RIPOR3: variants seen among roughly 807,000 people sequenced by gnomAD.
RIPOR3 encodes the protein RIPOR family member 3, also known as family with sequence similarity 65 member C.
A neutral mutation model predicts 114.3 loss-of-function variants in RIPOR3; 95 were observed. The observed-to-expected ratio is 0.83, with a 90% CI of 0.70 to 0.99. The LOEUF (loss-of-function observed/expected upper bound fraction) is 0.99. Ranked by LOEUF, RIPOR3 falls within the 50% of genes least tolerant of loss-of-function variation. RIPOR3 has a pLI of 0.00. For missense variants in RIPOR3, 1,252 were observed against 1,266.9 expected (o/e 0.99, Z 0.18); for synonymous variants, 575 against 543.8 (o/e 1.06, Z -0.80).
intron 1 of RIPOR3, among the ~76,000 whole-genome samples, chr20:50,638,723 G>A (rs112675563): frequency 0.044 from 6,739 of 152,092 alleles, 193 homozygotes; most frequent in African/African-American, 0.072. Context: ...GGAGGGAGCG[G>A]GGGAAGCTGG....
intron 1 of RIPOR3, chr20:50,659,789 G>GTCCT (rs2085934111): frequency 6.6e-6 from 1 of 152,114 alleles, no homozygotes; most frequent in Non-Finnish European, 1.5e-5. Context: ...CACCAGCTGA[G>GTCCT]TCCTGACTTC....
At chr20:50,618,263 T>C (rs1600587127) in intron 3 of RIPOR3, among the ~76,000 whole-genome samples, 1 of 98,592 alleles carries the variant, frequency 1.0e-5, no homozygotes, top group Non-Finnish European at 1.8e-5. Context: ...AGAGTGAGAC[T>C]CCGTCTCAAA....
Position 50,608,454 on chromosome 20 carries a change from C to T in RIPOR3, c.891G>A (p.Pro297=), listed in dbSNP as rs754548399. Residue 297 remains proline (P), a synonymous_variant, in exon 11 of 22, where the codon CCG becomes CCA. Coordinates refer to ENST00000327979, the MANE Select transcript of RIPOR3 (RefSeq NM_001290268.2). The part of the protein sequence containing the change: ...CDIADFFTTR[P]QVIVVDITEL... ...CCGTGATGTCCACCACGATGACCTGCGGCCGCGTCGTGAAGAAGTCGGCGA... is the reference window on the plus strand; with the variant it reads ...CCGTGATGTCCACCACGATGACCTGTGGCCGCGTCGTGAAGAAGTCGGCGA... 4.3e-6 allele frequency: 7 copies of T among 1,613,872 alleles called. No individual in the cohort carries two copies. The Admixed American group carries it at 5.0e-5, about 12-fold the overall frequency.
intron 1 of RIPOR3, among the ~76,000 whole-genome samples, chr20:50,639,669 G>A (rs577695586): frequency 7.9e-5 from 12 of 152,320 alleles, no homozygotes; most frequent in African/African-American, 2.9e-4. Context: ...GGAAGTTTGA[G>A]GCCAGCTTGG....
chr20:50,630,787 G>A lies in RIPOR3; in HGVS notation c.73C>T (p.Arg25Trp), dbSNP rs759822307. 14 of 1,612,214 alleles carry A rather than the reference G, an allele frequency of 8.7e-6. No homozygotes were observed. The highest frequency in any genetic ancestry group is 8.4e-5 in the Admixed American group (5 of 59,876). The change falls in exon 2 of 22, where the codon CGG becomes TGG. Residue 25 changes from arginine (R) to tryptophan (W), a missense_variant. Coordinates refer to ENST00000327979, the MANE Select transcript of RIPOR3 (RefSeq NM_001290268.2). The part of the protein sequence containing the change: ...GDTGAVGVVG[R>W]SASFAGFSSA... The stretch of plus-strand genomic sequence containing the variant: ...CTGAAGCCTGCGAAGGAGGCGCTCC[G>A]GCCCACGACCCCCACGGCCCCTGTG...
chr20:50,588,760 A>G (rs564602054), intron 20 of RIPOR3, among the ~76,000 whole-genome samples: 121 of 151,098 alleles, frequency 8.0e-4, no homozygotes, highest in South Asian at 2.3e-3. Flanking sequence ...AAAAAAAAAA[A>G]AAAAAAAAGA....
intron 1 of RIPOR3, among the ~76,000 whole-genome samples, chr20:50,670,480 C>A (rs1162991938): frequency 6.7e-6 from 1 of 149,122 alleles, no homozygotes; most frequent in East Asian, 2.0e-4. Flanking sequence ...TAAATTAAAT[C>A]TAGTTCTTTT....
chr20:50,597,782 C>T, intron 13 of RIPOR3, 72 bp from the exon 14 acceptor site: 6 of 1,554,572 alleles, frequency 3.9e-6, no homozygotes, highest in Non-Finnish European at 5.2e-6. Context: ...TGGCCAGGGG[C>T]CTCACGGCAG....
chr20:50,592,917 C>G (rs561915145), intron 18 of RIPOR3, 118 bp downstream of exon 18: 2 of 1,326,878 alleles, frequency 1.5e-6, no homozygotes, highest in African/African-American at 2.9e-5. Flanking sequence ...ATCGGGGTTC[C>G]CAAAAGAACA....
At chr20:50,614,420 T>C (rs894106757) in intron 4 of RIPOR3, among the ~76,000 whole-genome samples, 1 of 152,194 alleles carries the variant, frequency 6.6e-6, no homozygotes, top group African/African-American at 2.4e-5. Context: ...GTTCTGCACA[T>C]TGGTGCTTTG....
chr20:50,646,045 T>A (rs2085389358), intron 1 of RIPOR3, among the ~76,000 whole-genome samples: 1 of 152,256 alleles, frequency 6.6e-6, no homozygotes, highest in Non-Finnish European at 1.5e-5. Flanking sequence ...GGGCAGGATC[T>A]ATGCAGGGAG....
At chr20:50,589,905 C>T (rs762696548) in intron 19 of RIPOR3, 136 bp from the exon 20 acceptor site, 187 of 716,144 alleles carry the variant, frequency 2.6e-4, no homozygotes, top group Non-Finnish European at 4.1e-4. Flanking sequence ...AGGACACGAT[C>T]GGTCCATCTT....
intron 1 of RIPOR3, among the ~76,000 whole-genome samples, chr20:50,641,696 A>G (rs1459473194): frequency 6.6e-6 from 1 of 151,882 alleles, no homozygotes; most frequent in Non-Finnish European, 1.5e-5. Flanking sequence ...TCTCTTCCCC[A>G]CCCAGGAGCT....
At chr20:50,618,027 A>G (rs185688501) in intron 3 of RIPOR3, among the ~76,000 whole-genome samples, 127 of 152,212 alleles carry the variant, frequency 8.3e-4, no homozygotes, top group Non-Finnish European at 1.7e-3. Flanking sequence ...GCACTTTGGG[A>G]AGCCAAAGCA....
At chr20:50,690,680 G>A (rs1218353439) in intron 1 of RIPOR3, among the ~76,000 whole-genome samples, 2 of 152,036 alleles carry the variant, frequency 1.3e-5, no homozygotes, top group South Asian at 2.1e-4. Context: ...GCCACTGACC[G>A]GCTGTGTGAC....
Position 50,608,514 on chromosome 20 carries a change from C to A in RIPOR3, c.831G>T (p.Leu277=). 6.2e-7 allele frequency: 1 copy of A among 1,613,874 alleles called. No homozygotes were observed. Among genetic ancestry groups the A allele is most frequent in the East Asian group, 2.2e-5 (1 of 44,876 alleles). Residue 277 remains leucine, a synonymous_variant, in exon 11 of 22, where the codon CTG becomes CTT. Coordinates refer to ENST00000327979, the MANE Select transcript of RIPOR3 (RefSeq NM_001290268.2). ...TCACTGCACCCACAGCCAGCGAGCC[C>A]AGGCCCCGCAACTCCGTCACCTGGG... ...LDIKVTELRG[L]GSLAVGAVTC...
chr20:50,613,987 C>G (rs182794162), intron 4 of RIPOR3, among the ~76,000 whole-genome samples: 1 of 152,300 alleles, frequency 6.6e-6, no homozygotes, highest in Non-Finnish European at 1.5e-5. Flanking sequence ...TCTGCTGGAG[C>G]CAGGATACAG....
chr20:50,597,441 A>C, intron 14 of RIPOR3, 139 bp downstream of exon 14: 1 of 1,228,360 alleles, frequency 8.1e-7, no homozygotes, highest in Non-Finnish European at 1.1e-6. Flanking sequence ...GGCATGGGGA[A>C]GGGTGCACGA....
chr20:50,607,110 CTT>C (rs1294733498), intron 11 of RIPOR3, among the ~76,000 whole-genome samples: 1 of 152,182 alleles, frequency 6.6e-6, no homozygotes, highest in East Asian at 1.9e-4. Flanking sequence ...TTGTTCAAGT[CTT>C]TGTTCAAAAT....
Sources: gnomAD v4.1 joint callset for allele counts (sites outside exome capture counted in the v4.1 genomes callset) on GRCh38, gnomAD v4.1.1 for gene constraint, MANE v1.5 for transcripts, NCBI Gene and HGNC (gene_info 2026-07-23, HGNC 2026-07-21) for gene names.